Variants in BTBD9 observed in about 807,000 individuals in gnomAD.
The protein encoded by BTBD9 is BTB/POZ domain-containing protein 9.
A neutral mutation model predicts 64.3 loss-of-function variants in BTBD9; 49 were observed. That is an observed-to-expected ratio of 0.76 (90% confidence interval 0.61 to 0.97). The LOEUF (loss-of-function observed/expected upper bound fraction) is 0.97, where lower values mean the gene tolerates loss of function less well. BTBD9 is among the 50% of genes least tolerant of loss of function. BTBD9 has a pLI of 0.00. For missense variants in BTBD9, 598 were observed against 762.1 expected, an observed-to-expected ratio of 0.78 and a Z score of 2.53; for synonymous variants, 260 against 274.7, an observed-to-expected ratio of 0.95 and a Z score of 0.53.
intron 6 of BTBD9, among the ~76,000 whole-genome samples, chr6:38,349,499 C>A (rs1452525258): frequency 6.6e-6 from 1 of 152,102 alleles, no homozygotes; most frequent in African/African-American, 2.4e-5. Context: ...AGAGAGACTG[C>A]ATTCCCATAA....
chr6:38,363,313 T>C (rs2127599401), intron 6 of BTBD9, among the ~76,000 whole-genome samples: 1 of 152,254 alleles, frequency 6.6e-6, no homozygotes, highest in South Asian at 2.1e-4. Context: ...CTGTAAGCCT[T>C]TGGGGAGGCC....
chr6:38,587,607 A>G (rs544477714), intron 4 of BTBD9: 27 of 581,514 alleles, frequency 4.6e-5, no homozygotes, highest in Admixed American at 4.5e-4. Context: ...TTAATGGCCA[A>G]CGAAGACCCC....
intron 1 of BTBD9, among the ~76,000 whole-genome samples, chr6:38,613,944 A>G (rs918460401): frequency 6.6e-6 from 1 of 152,142 alleles, no homozygotes; most frequent in Non-Finnish European, 1.5e-5. Context: ...CCTTCCAAAC[A>G]GCTATGTCAA....
intron 6 of BTBD9, among the ~76,000 whole-genome samples, chr6:38,409,120 G>C (rs1291009782): frequency 6.6e-6 from 1 of 152,144 alleles, no homozygotes. Flanking sequence ...CATGATGGCA[G>C]GTGCCTGTGA....
At chr6:38,530,474 TCC>T (rs1446826967) in intron 6 of BTBD9, among the ~76,000 whole-genome samples, 1 of 152,122 alleles carries the variant, frequency 6.6e-6, no homozygotes, top group Non-Finnish European at 1.5e-5. Flanking sequence ...GGCATCACGG[TCC>T]TACTGATATG....
intron 4 of BTBD9, among the ~76,000 whole-genome samples, chr6:38,584,491 G>C (rs1173028326): frequency 1.3e-5 from 2 of 152,178 alleles, no homozygotes; most frequent in African/African-American, 4.8e-5. Context: ...TGTACCCCTA[G>C]CTACACAGTG....
At chr6:38,355,094 A>G (rs1163933515) in intron 6 of BTBD9, among the ~76,000 whole-genome samples, 1 of 152,210 alleles carries the variant, frequency 6.6e-6, no homozygotes, top group African/African-American at 2.4e-5. Flanking sequence ...TACTAATTTC[A>G]GCACTACTGG....
intron 7 of BTBD9, among the ~76,000 whole-genome samples, chr6:38,331,459 C>G (rs900684492): frequency 1.1e-4 from 16 of 152,084 alleles, no homozygotes; most frequent in Admixed American, 1.3e-4. Context: ...GCCTGGGCAA[C>G]AGAGACAGAC....
At chr6:38,175,227 G>T in intron 10 of BTBD9, 45 bp from the exon 11 acceptor site, 1 of 1,603,540 alleles carries the variant, frequency 6.2e-7, no homozygotes, top group Non-Finnish European at 8.5e-7. Context: ...GGGTCAGCAT[G>T]CGGCCCTGGA....
chr6:38,470,820 A>G (rs1039731520), intron 6 of BTBD9, among the ~76,000 whole-genome samples: 3 of 152,244 alleles, frequency 2.0e-5, no homozygotes, highest in African/African-American at 7.2e-5. Flanking sequence ...CTCCTGCCTC[A>G]GTCCAACAGG....
At chr6:38,588,279 T>G (rs769701051) in intron 4 of BTBD9, 2 of 1,110,572 alleles carry the variant, frequency 1.8e-6, no homozygotes. Flanking sequence ...CCTGCTCAGC[T>G]GCCACACAGT....
intron 6 of BTBD9, among the ~76,000 whole-genome samples, chr6:38,521,835 T>G (rs749235141): frequency 1.3e-5 from 2 of 152,060 alleles, no homozygotes; most frequent in Non-Finnish European, 1.5e-5. Flanking sequence ...CCACCATGCT[T>G]GGCTAACTTT....
At chr6:38,573,321 A>G (rs890093452) in intron 6 of BTBD9, among the ~76,000 whole-genome samples, 14 of 152,218 alleles carry the variant, frequency 9.2e-5, no homozygotes, top group African/African-American at 3.4e-4. Flanking sequence ...TATTTAAAAT[A>G]TATACATTAT....
At chr6:38,636,519 A>T (rs1778531669) in intron 1 of BTBD9, among the ~76,000 whole-genome samples, 1 of 152,218 alleles carries the variant, frequency 6.6e-6, no homozygotes, top group Admixed American at 6.5e-5. Flanking sequence ...TGCTCAAACT[A>T]GACATATTAT....
At chr6:38,373,767 A>T (rs758785484) in intron 6 of BTBD9, among the ~76,000 whole-genome samples, 2 of 152,158 alleles carry the variant, frequency 1.3e-5, no homozygotes, top group Non-Finnish European at 2.9e-5. Flanking sequence ...GCCTCAAGCG[A>T]ACCTCCTGCC....
intron 2 of BTBD9, among the ~76,000 whole-genome samples, chr6:38,594,666 A>G (rs1776962354): frequency 6.6e-6 from 1 of 152,254 alleles, no homozygotes; most frequent in Admixed American, 6.5e-5. Flanking sequence ...GGCAATTTAA[A>G]AAGTAAAACT....
rs539672235 is a variant in BTBD9, at chr6:38,325,634, A to G, written c.1264+19350T>C. ...CGGGAGGTGGAGCTTGCAGTGAGCC[A>G]AGATCGTGCCACTGCACTCCAGCCT... On this transcript the variant is annotated intron_variant, in intron 7 of 10. Transcript: ENST00000481247. Among the ~76,000 whole-genome samples, 23 of 152,278 alleles carry G rather than the reference A, an allele frequency of 1.5e-4. 1 individual carries two copies. In the East Asian group the frequency reaches 3.1e-3, roughly 20 times the overall value.
At chr6:38,517,506 T>A (rs1315361348) in intron 6 of BTBD9, among the ~76,000 whole-genome samples, 1 of 152,040 alleles carries the variant, frequency 6.6e-6, no homozygotes, top group Non-Finnish European at 1.5e-5. Context: ...TTTGGACTTG[T>A]ATGAAAAACC....
intron 6 of BTBD9, among the ~76,000 whole-genome samples, chr6:38,545,506 G>T (rs955916025): frequency 1.3e-5 from 2 of 152,102 alleles, no homozygotes; most frequent in Non-Finnish European, 2.9e-5. Context: ...TAGGCTGGGC[G>T]CAATGGCTCA....
Sources: gnomAD v4.1 joint callset for allele counts (sites outside exome capture counted in the v4.1 genomes callset) on GRCh38, gnomAD v4.1.1 for gene constraint, MANE v1.5 for transcripts, NCBI Gene and HGNC (gene_info 2026-07-23, HGNC 2026-07-21) for gene names.